PAK5: variants seen among roughly 807,000 people sequenced by gnomAD.
PAK5 encodes serine/threonine-protein kinase PAK 5.
A neutral mutation model predicts 65.9 loss-of-function variants in PAK5; 16 were observed. The observed-to-expected ratio is 0.24, with a 90% CI of 0.16 to 0.37. The LOEUF (loss-of-function observed/expected upper bound fraction) is 0.37, where lower values mean the gene tolerates loss of function less well. Ranked by LOEUF, PAK5 falls within the 10% of genes least tolerant of loss-of-function variation. PAK5 has a pLI of 1.00. For missense variants in PAK5, 785 were observed against 903.9 expected (o/e 0.87, Z 1.69); for synonymous variants, 371 against 354.9 (o/e 1.05, Z -0.51).
chr20:9,572,579 T>C (rs2045809400), intron 4 of PAK5, among the ~76,000 whole-genome samples: 1 of 152,120 alleles, frequency 6.6e-6, no homozygotes, highest in East Asian at 1.9e-4. Context: ...GTGAAAGGGA[T>C]TTGGGATCTG....
intron 7 of PAK5, 133 bp downstream of exon 7, chr20:9,557,475 T>A (rs1399911733): frequency 3.0e-6 from 2 of 666,186 alleles, no homozygotes; most frequent in Non-Finnish European, 4.9e-6. Context: ...TTTGTAAGTG[T>A]TCTGGGAAGA....
chr20:9,758,995 G>A (rs1168656959), intron 1 of PAK5, among the ~76,000 whole-genome samples: 1 of 152,066 alleles, frequency 6.6e-6, no homozygotes, highest in African/African-American at 2.4e-5. Context: ...AGAACCCCTT[G>A]TGACTCCAGC....
chr20:9,563,344 A>G (rs1393396722), intron 5 of PAK5, among the ~76,000 whole-genome samples: 5 of 152,196 alleles, frequency 3.3e-5, no homozygotes, highest in African/African-American at 9.7e-5. Flanking sequence ...ATATGATCAG[A>G]TATCTCTAAG....
At chr20:9,644,461 C>G in intron 2 of PAK5, 122 bp from the exon 3 acceptor site, 1 of 646,750 alleles carries the variant, frequency 1.5e-6, no homozygotes, top group South Asian at 1.9e-5. Context: ...ATCCCAGCTG[C>G]AAAAGATAAA....
At chr20:9,646,427 C>G (rs1411532976) in intron 2 of PAK5, among the ~76,000 whole-genome samples, 1 of 152,214 alleles carries the variant, frequency 6.6e-6, no homozygotes, top group Non-Finnish European at 1.5e-5. Flanking sequence ...AGGACTTCAA[C>G]TACCTTGATA....
At chr20:9,610,398 G>A (rs904268705) in intron 3 of PAK5, among the ~76,000 whole-genome samples, 8 of 152,118 alleles carry the variant, frequency 5.3e-5, no homozygotes, top group African/African-American at 1.9e-4. Context: ...TGTTTCTCTG[G>A]AATTCTAAAA....
chr20:9,691,483 C>T (rs2047797092), intron 2 of PAK5, among the ~76,000 whole-genome samples: 1 of 152,162 alleles, frequency 6.6e-6, no homozygotes, highest in African/African-American at 2.4e-5. Context: ...CCAGTCTGTA[C>T]CACCTTGACT....
chr20:9,690,560 C>T (rs2047779275), intron 2 of PAK5, among the ~76,000 whole-genome samples: 1 of 151,862 alleles, frequency 6.6e-6, no homozygotes, highest in Admixed American at 6.6e-5. Flanking sequence ...GGGCCTCAAT[C>T]CTGCTGGGGA....
chr20:9,545,201 T>G lies in PAK5; in HGVS notation c.1744-707A>C, dbSNP rs562793050. The stretch of plus-strand genomic sequence containing the variant: ...CTAAGGGCTCAGTGTATATACATGT[T>G]ATTTACCTTAGATATCATCAAGGAG... On this transcript the variant is annotated intron_variant, in intron 7 of 9. Transcript: ENST00000353224. Among the ~76,000 whole-genome samples, 26 of 152,292 alleles carry G rather than the reference T, an allele frequency of 1.7e-4. No individual in the cohort carries two copies. In the South Asian group the frequency reaches 5.4e-3, roughly 32 times the overall value.
chr20:9,728,547 A>G (rs2123544601), intron 1 of PAK5, among the ~76,000 whole-genome samples: 1 of 152,332 alleles, frequency 6.6e-6, no homozygotes, highest in African/African-American at 2.4e-5. Context: ...ATAGCTGAAT[A>G]GTACACTTCA....
intron 2 of PAK5, among the ~76,000 whole-genome samples, chr20:9,656,438 G>A (rs1162659216): frequency 6.6e-6 from 1 of 152,134 alleles, no homozygotes; most frequent in East Asian, 1.9e-4. Flanking sequence ...CAGGGGCAGA[G>A]TGGAAGAGAG....
intron 2 of PAK5, among the ~76,000 whole-genome samples, chr20:9,651,921 A>C (rs1600199160): frequency 6.6e-6 from 1 of 152,226 alleles, no homozygotes; most frequent in East Asian, 1.9e-4. Context: ...ATAATTACTG[A>C]ACTATTAAGG....
intron 1 of PAK5, among the ~76,000 whole-genome samples, chr20:9,750,887 C>T (rs755730598): frequency 2.0e-5 from 3 of 152,132 alleles, no homozygotes; most frequent in Non-Finnish European, 2.9e-5. Flanking sequence ...CACTTCTTTA[C>T]ATTATAGTCT....
chr20:9,711,150 C>T (rs2048073020), intron 2 of PAK5, 136 bp downstream of exon 2: 1 of 152,180 alleles, frequency 6.6e-6, no homozygotes, highest in African/African-American at 2.4e-5. Flanking sequence ...CCAGTGCCTA[C>T]AACAGTTTGC....
intron 1 of PAK5, among the ~76,000 whole-genome samples, chr20:9,816,381 T>C (rs1340315057): frequency 6.6e-6 from 1 of 152,210 alleles, no homozygotes; most frequent in Non-Finnish European, 1.5e-5. Flanking sequence ...GATCGCAGAA[T>C]GCCCACATAT....
chr20:9,754,238 A>G (rs1044920751), intron 1 of PAK5, among the ~76,000 whole-genome samples: 1 of 152,166 alleles, frequency 6.6e-6, no homozygotes, highest in Non-Finnish European at 1.5e-5. Flanking sequence ...TTATCAAGAC[A>G]GGGGAATTGC....
At chr20:9,730,334 T>G (rs1436536334) in intron 1 of PAK5, among the ~76,000 whole-genome samples, 2 of 152,154 alleles carry the variant, frequency 1.3e-5, no homozygotes, top group African/African-American at 4.8e-5. Context: ...AATGCCAGCT[T>G]TCATCAATAA....
intron 2 of PAK5, among the ~76,000 whole-genome samples, chr20:9,694,033 A>T (rs2047834266): frequency 6.6e-6 from 1 of 151,918 alleles, no homozygotes; most frequent in Non-Finnish European, 1.5e-5. Context: ...ATCACATAAG[A>T]TCTCTATTAG....
At chr20:9,670,900 G>A (rs2047487491) in intron 2 of PAK5, among the ~76,000 whole-genome samples, 1 of 152,138 alleles carries the variant, frequency 6.6e-6, no homozygotes, top group African/African-American at 2.4e-5. Flanking sequence ...GGTTTTTATG[G>A]TATTAGGTCT....
Sources: allele counts gnomAD v4.1 joint callset (sites outside exome capture counted in the v4.1 genomes callset), GRCh38; gene constraint gnomAD v4.1.1; transcripts MANE v1.5; gene names NCBI Gene and HGNC (gene_info 2026-07-23, HGNC 2026-07-21).